SUGCT: variants seen among roughly 807,000 people sequenced by gnomAD.
The protein encoded by SUGCT is succinyl-CoA:glutarate-CoA transferase, also known as succinyl-CoA:glutarate CoA-transferase.
A neutral mutation model predicts 55.0 loss-of-function variants in SUGCT; 41 were observed. That is an observed-to-expected ratio of 0.74 (90% confidence interval 0.58 to 0.97). SUGCT has a LOEUF of 0.97. Ranked by LOEUF, SUGCT falls within the 50% of genes least tolerant of loss-of-function variation. The probability of loss-of-function intolerance (pLI) is 0.00; values close to 1 mark genes in which losing one functional copy is unlikely to be tolerated. For missense variants in SUGCT, 568 were observed against 547.8 expected, an observed-to-expected ratio of 1.04 and a Z score of -0.37; for synonymous variants, 187 against 200.4, an observed-to-expected ratio of 0.93 and a Z score of 0.56.
At chr7:40,955,041 C>T in the SUGCT span, among the ~76,000 whole-genome samples, 1 of 152,074 alleles carries the variant, frequency 6.6e-6, no homozygotes, top group Non-Finnish European at 1.5e-5. Flanking sequence ...GTTACTGTAG[C>T]CTTGTAGTAT....
intron 13 of SUGCT, among the ~76,000 whole-genome samples, chr7:40,761,874 G>A (rs973066203): frequency 6.6e-6 from 1 of 152,154 alleles, no homozygotes; most frequent in South Asian, 2.1e-4. Context: ...ATTTTCTTTT[G>A]TTTTTTTAGC....
intron 12 of SUGCT, among the ~76,000 whole-genome samples, chr7:40,553,467 C>A (rs939488692): frequency 6.6e-6 from 1 of 152,082 alleles, no homozygotes; most frequent in Non-Finnish European, 1.5e-5. Context: ...TTTTCTCTAT[C>A]GAGATAATTT....
chr7:40,288,193 G>C (rs895201671), intron 8 of SUGCT, among the ~76,000 whole-genome samples: 5 of 152,006 alleles, frequency 3.3e-5, no homozygotes, highest in African/African-American at 9.7e-5. Context: ...CATAGAAAGA[G>C]TTGAAAAGTA....
the SUGCT span, among the ~76,000 whole-genome samples, chr7:40,975,612 TC>T: frequency 6.6e-6 from 1 of 152,316 alleles, no homozygotes; most frequent in Non-Finnish European, 1.5e-5. Context: ...TGGCTTCTTT[TC>T]CAGGCATAAC....
intron 12 of SUGCT, among the ~76,000 whole-genome samples, chr7:40,694,479 T>G (rs1487132077): frequency 6.6e-6 from 1 of 152,214 alleles, no homozygotes; most frequent in Non-Finnish European, 1.5e-5. Flanking sequence ...GTCGAGCCTT[T>G]TCAGTTTTGT....
chr7:40,409,380 C>T (rs771459927), intron 9 of SUGCT, among the ~76,000 whole-genome samples: 4 of 152,152 alleles, frequency 2.6e-5, no homozygotes, highest in Non-Finnish European at 5.9e-5. Context: ...CCTCCCACCT[C>T]AGCCTCCAAG....
intron 12 of SUGCT, among the ~76,000 whole-genome samples, chr7:40,707,809 TG>T (rs1185627894): frequency 6.6e-6 from 1 of 152,248 alleles, no homozygotes; most frequent in Non-Finnish European, 1.5e-5. Context: ...TAAGTAGATC[TG>T]GTGGATTTTT....
At chr7:40,140,689 G>A (rs779936455) in intron 1 of SUGCT, among the ~76,000 whole-genome samples, 3 of 152,060 alleles carry the variant, frequency 2.0e-5, no homozygotes, top group African/African-American at 2.4e-5. Flanking sequence ...ATGAGGCACC[G>A]CACCTGGCCC....
intron 12 of SUGCT, among the ~76,000 whole-genome samples, chr7:40,689,513 A>C (rs910983116): frequency 6.6e-6 from 1 of 152,194 alleles, no homozygotes; most frequent in Admixed American, 6.5e-5. Flanking sequence ...GATTTCAGAC[A>C]GAGGCTTTCT....
chr7:40,734,771 C>A (rs1286535245), intron 12 of SUGCT, among the ~76,000 whole-genome samples: 1 of 152,038 alleles, frequency 6.6e-6, no homozygotes, highest in African/African-American at 2.4e-5. Flanking sequence ...AGTTCTTGAT[C>A]AACAAATGAA....
intron 12 of SUGCT, among the ~76,000 whole-genome samples, chr7:40,675,143 C>A (rs1201829411): frequency 6.6e-6 from 1 of 151,530 alleles, no homozygotes; most frequent in African/African-American, 2.4e-5. Context: ...TCACTGCAAC[C>A]TCCGCCTCTT....
At chr7:40,438,959 TTATAA>T (rs532883362) in intron 9 of SUGCT, among the ~76,000 whole-genome samples, 1 of 147,564 alleles carries the variant, frequency 6.8e-6, no homozygotes, top group Non-Finnish European at 1.5e-5. Context: ...TATATAATAA[TTATAA>T]TATACTATAA....
the SUGCT span, among the ~76,000 whole-genome samples, chr7:40,955,615 T>C: frequency 1.3e-5 from 2 of 152,304 alleles, no homozygotes; most frequent in African/African-American, 2.4e-5. Context: ...CCTATTTGAA[T>C]CCCCTTTATT....
intron 12 of SUGCT, among the ~76,000 whole-genome samples, chr7:40,669,526 AAT>A (rs752335252): frequency 2.6e-5 from 4 of 151,952 alleles, no homozygotes; most frequent in East Asian, 3.9e-4. Flanking sequence ...AAGAAATGAA[AAT>A]ATAGAAAATC....
chr7:40,316,762 G>A lies in SUGCT; in HGVS notation c.723G>A (p.Val241=). The A allele has an allele frequency of 6.3e-7, 1 of 1,589,866 alleles. No individual in the cohort carries two copies. Among genetic ancestry groups the A allele is most frequent in the Non-Finnish European group, 8.6e-7 (1 of 1,165,580 alleles). ...TTATTTACTTTTTTTCCTGGTAGGT[G>A]GCGTGTTTGTCTCACATAGCTGCAA... The part of the protein sequence containing the change: ...FIDCNLLSSQ[V]ACLSHIAANY... The change falls in exon 9 of 14, where the codon GTG becomes GTA. Residue 241 remains valine, a splice_region_variant and synonymous_variant. Transcript: ENST00000335693.
downstream of SUGCT, among the ~76,000 whole-genome samples, chr7:40,861,131 A>C (rs1446376251): frequency 6.6e-6 from 1 of 152,216 alleles, no homozygotes; most frequent in Non-Finnish European, 1.5e-5. Context: ...ATGTGGCAGA[A>C]AGTCAATATT....
the SUGCT span, among the ~76,000 whole-genome samples, chr7:41,020,727 G>T: frequency 6.6e-6 from 1 of 152,162 alleles, no homozygotes; most frequent in Non-Finnish European, 1.5e-5. Context: ...AACGTGGAGG[G>T]CTGGACTATT....
chr7:40,147,542 T>C (rs951998290), intron 1 of SUGCT, among the ~76,000 whole-genome samples: 1 of 152,226 alleles, frequency 6.6e-6, no homozygotes, highest in Non-Finnish European at 1.5e-5. Context: ...CCGCAGCTTT[T>C]TCCTTAGTCC....
intron 13 of SUGCT, among the ~76,000 whole-genome samples, chr7:40,787,660 C>CAAAAAAA (rs55764379): frequency 4.1e-5 from 2 of 48,412 alleles, no homozygotes; most frequent in African/African-American, 1.2e-4. Flanking sequence ...AAATTTTGAC[C>CAAAAAAA]AAAAAAAAAA....
Sources: allele counts gnomAD v4.1 joint callset (sites outside exome capture counted in the v4.1 genomes callset), GRCh38; gene constraint gnomAD v4.1.1; transcripts MANE v1.5; gene names NCBI Gene and HGNC (gene_info 2026-07-23, HGNC 2026-07-21).